The following SGMS2 variants were observed in gnomAD, a reference collection of about 807,000 sequenced individuals.
SGMS2 encodes sphingomyelin synthase 2, also known as phosphatidylcholine:ceramide cholinephosphotransferase 2.
Under a neutral mutation model 43.8 loss-of-function variants are expected in SGMS2, and 21 were observed. That is an observed-to-expected ratio of 0.48 (90% CI 0.34 to 0.69). The LOEUF is 0.69. Among genes scored for constraint, SGMS2 ranks in the 30% least tolerant of loss-of-function variants. The pLI, the probability that SGMS2 is intolerant of heterozygous loss-of-function variation, is 0.01. For missense variants in SGMS2, 384 were observed against 443.2 expected, an observed-to-expected ratio of 0.87 and a Z score of 1.20; for synonymous variants, 167 against 160.6, an observed-to-expected ratio of 1.04 and a Z score of -0.30.
chr4:107,835,061 G>T (rs1280157535), intron 1 of SGMS2, among the ~76,000 whole-genome samples: 1 of 152,026 alleles, frequency 6.6e-6, no homozygotes, highest in African/African-American at 2.4e-5. Flanking sequence ...TATAATAATA[G>T]ATGGGGTTTT....
At chr4:107,906,030 C>T (rs1430614442) in intron 5 of SGMS2, among the ~76,000 whole-genome samples, 1 of 152,160 alleles carries the variant, frequency 6.6e-6, no homozygotes, top group Admixed American at 6.5e-5. Context: ...ATAGTCAGTT[C>T]TGTATGTAAG....
chr4:107,846,837 T>G (rs1422420200), intron 1 of SGMS2, among the ~76,000 whole-genome samples: 1 of 149,086 alleles, frequency 6.7e-6, no homozygotes, highest in Non-Finnish European at 1.5e-5. Context: ...TCATTGTGGT[T>G]TTGATTTGCA....
intron 2 of SGMS2, among the ~76,000 whole-genome samples, chr4:107,882,694 T>G (rs1729456656): frequency 6.6e-6 from 1 of 152,202 alleles, no homozygotes. Flanking sequence ...TATTATGTTG[T>G]GACTATTTTA....
intron 2 of SGMS2, among the ~76,000 whole-genome samples, chr4:107,885,227 A>AG (rs550571876): frequency 1.3e-5 from 2 of 149,988 alleles, no homozygotes; most frequent in Non-Finnish European, 3.0e-5. Context: ...GTTTTGTTAC[A>AG]TTTTTTTTTT....
chr4:107,894,393 G>C (rs928945799), intron 2 of SGMS2: 1 of 152,380 alleles, frequency 6.6e-6, no homozygotes, highest in African/African-American at 2.4e-5. Context: ...GGTGGCAGTG[G>C]TGCCCCGTGT....
chr4:107,903,316 C>G lies in SGMS2; in HGVS notation c.657C>G (p.Ile219Met). Residue 219 changes from isoleucine to methionine, a missense_variant, in exon 5 of 7, where the codon ATC (isoleucine) becomes ATG (methionine). Ile to Met is a conservative substitution (Grantham distance 10, BLOSUM62 1). Transcript: ENST00000690982. ...GGGLSITGSHILCGDFLFSGH... is the reference protein window; with the variant it reads ...GGGLSITGSHMLCGDFLFSGH... ...GATTGTCCATAACTGGATCACATAT[C>G]TTATGTGGAGACTTCCTCTTCAGCG... The G allele has an allele frequency of 6.2e-7, 1 of 1,613,582 alleles. No individual in the cohort carries two copies. The highest frequency in any genetic ancestry group is 1.1e-5 in the South Asian group (1 of 91,074).
intron 3 of SGMS2, among the ~76,000 whole-genome samples, chr4:107,897,727 C>A (rs541647904): frequency 6.6e-6 from 1 of 152,168 alleles, no homozygotes; most frequent in Non-Finnish European, 1.5e-5. Context: ...CTGTTTCAGT[C>A]GCAATTCACA....
At chr4:107,892,731 A>C (rs1040853203) in intron 2 of SGMS2, among the ~76,000 whole-genome samples, 21 of 152,142 alleles carry the variant, frequency 1.4e-4, no homozygotes, top group African/African-American at 3.6e-4. Flanking sequence ...AAATGGTTGC[A>C]TTCTTTTGGG....
At chr4:107,847,620 C>G (rs1425038181) in intron 1 of SGMS2, among the ~76,000 whole-genome samples, 2 of 152,060 alleles carry the variant, frequency 1.3e-5, no homozygotes, top group African/African-American at 2.4e-5. Flanking sequence ...TCCATATGAA[C>G]TTTAAAGGAA....
intron 1 of SGMS2, among the ~76,000 whole-genome samples, chr4:107,843,533 T>C (rs1164192158): frequency 1.3e-5 from 2 of 152,182 alleles, no homozygotes; most frequent in Non-Finnish European, 2.9e-5. Flanking sequence ...AAGCTGAGTG[T>C]CATGGCAACA....
intron 2 of SGMS2, among the ~76,000 whole-genome samples, chr4:107,860,653 T>C (rs1381595888): frequency 6.6e-6 from 1 of 152,036 alleles, no homozygotes; most frequent in East Asian, 1.9e-4. Context: ...GCCTCCTGAA[T>C]AGCTGGGATT....
chr4:107,891,773 C>T (rs1182377600), intron 2 of SGMS2, among the ~76,000 whole-genome samples: 1 of 151,936 alleles, frequency 6.6e-6, no homozygotes, highest in Non-Finnish European at 1.5e-5. Flanking sequence ...AAGCTGGCCA[C>T]CCCCACCCTA....
intron 2 of SGMS2, among the ~76,000 whole-genome samples, chr4:107,881,020 A>G (rs2126082164): frequency 6.6e-6 from 1 of 152,278 alleles, no homozygotes; most frequent in Admixed American, 6.5e-5. Flanking sequence ...GCTTATTAGT[A>G]ACATTAATTA....
At chr4:107,873,928 C>T (rs1306356866) in intron 2 of SGMS2, 1 of 152,144 alleles carries the variant, frequency 6.6e-6, no homozygotes, top group Non-Finnish European at 1.5e-5. Context: ...TGTCTACCTT[C>T]ACTTTTCCAC....
At chr4:107,896,071 A>G in intron 3 of SGMS2, 63 bp downstream of exon 3, 1 of 1,430,300 alleles carries the variant, frequency 7.0e-7, no homozygotes, top group Non-Finnish European at 9.5e-7. Context: ...TAGATGGGTT[A>G]TTGAGATTAT....
intron 2 of SGMS2, among the ~76,000 whole-genome samples, chr4:107,881,154 A>G (rs1306833792): frequency 3.3e-5 from 5 of 152,144 alleles, no homozygotes; most frequent in Non-Finnish European, 7.3e-5. Context: ...AATTATAAAG[A>G]CTGAAGAATT....
At chr4:107,831,948 G>A (rs1037963911) in intron 1 of SGMS2, among the ~76,000 whole-genome samples, 12 of 152,270 alleles carry the variant, frequency 7.9e-5, no homozygotes, top group African/African-American at 2.9e-4. Flanking sequence ...CAGAGCTTAG[G>A]CTTCTGGGGA....
chr4:107,852,032 C>T (rs1237742536), intron 1 of SGMS2, among the ~76,000 whole-genome samples: 4 of 151,568 alleles, frequency 2.6e-5, no homozygotes, highest in East Asian at 1.9e-4. Context: ...TTTTTATCCT[C>T]GGAGCATAAT....
At chr4:107,847,295 G>A (rs995078343) in intron 1 of SGMS2, among the ~76,000 whole-genome samples, 4 of 152,114 alleles carry the variant, frequency 2.6e-5, no homozygotes, top group African/African-American at 9.7e-5. Context: ...TTTGTATAAG[G>A]TGTAAGGAAG....
Sources: allele counts gnomAD v4.1 joint callset (sites outside exome capture counted in the v4.1 genomes callset), GRCh38; gene constraint gnomAD v4.1.1; transcripts MANE v1.5; gene names NCBI Gene and HGNC (gene_info 2026-07-23, HGNC 2026-07-21).